TIMELESS: variants seen among roughly 807,000 people sequenced by gnomAD.
TIMELESS encodes protein timeless homolog.
A neutral mutation model predicts 164.3 loss-of-function variants in TIMELESS; 124 were observed. The ratio of observed to expected loss-of-function variants is 0.75; its 90% CI spans 0.65 to 0.88. The LOEUF is 0.88. Ranked by LOEUF, TIMELESS falls within the 40% of genes least tolerant of loss-of-function variation. TIMELESS has a pLI of 0.00. For synonymous variants in TIMELESS, 564 were observed against 563.4 expected, an observed-to-expected ratio of 1.00 and a Z score of -0.02; for missense variants, 1,422 against 1,491.4, an observed-to-expected ratio of 0.95 and a Z score of 0.77.
In TIMELESS at chr12:56,422,280, C is replaced by G. The variant is rs182907620; in HGVS notation, c.2439-89G>C. On this transcript the variant is annotated intron_variant, in intron 19 of 28. Coordinates refer to ENST00000553532, the MANE Select transcript of TIMELESS (RefSeq NM_003920.5). ...CTTCTCTGATCAGTTCTGAAAAGAACAGGAAGGACAAGGCAGGTAACTGAA... is the reference window on the plus strand; with the variant it reads ...CTTCTCTGATCAGTTCTGAAAAGAAGAGGAAGGACAAGGCAGGTAACTGAA... The G allele has an allele frequency of 1.7e-5, 21 of 1,228,658 alleles. No individual in the cohort carries two copies. The Admixed American group carries it at 3.1e-4, about 18-fold the overall frequency. 76.1% of individuals were successfully genotyped at this position (1,228,658 alleles called of 1,614,324 possible).
At chr12:56,424,681 T>G in intron 15 of TIMELESS, 81 bp downstream of exon 15, 1 of 1,515,062 alleles carries the variant, frequency 6.6e-7, no homozygotes, top group South Asian at 1.3e-5. Flanking sequence ...AACTCTCTTT[T>G]GAAGACTGAG....
intron 13 of TIMELESS, among the ~76,000 whole-genome samples, chr12:56,427,937 A>T (rs1881729364): frequency 6.6e-6 from 1 of 152,258 alleles, no homozygotes; most frequent in South Asian, 2.1e-4. Context: ...AAAATGCTAT[A>T]GCATAATTAT....
At chr12:56,447,281 G>A (rs145871729) in intron 1 of TIMELESS, among the ~76,000 whole-genome samples, 116 of 150,388 alleles carry the variant, frequency 7.7e-4, no homozygotes, top group African/African-American at 2.7e-3. Flanking sequence ...TTCCAGCGAT[G>A]GGGCTTAGGC....
intron 8 of TIMELESS, among the ~76,000 whole-genome samples, 196 bp from the exon 9 acceptor site, chr12:56,431,164 GC>G (rs79733408): frequency 0.34 from 51,960 of 151,756 alleles, 10,599 homozygotes; most frequent in East Asian, 0.65. Context: ...GACCAGCCTG[GC>G]CAACATGGTG....
chr12:56,440,551 G>A (rs1868260648), intron 1 of TIMELESS, among the ~76,000 whole-genome samples: 2 of 152,208 alleles, frequency 1.3e-5, no homozygotes, highest in Non-Finnish European at 2.9e-5. Context: ...TCTAGCACTT[G>A]AATTCCAATT....
At chr12:56,430,721 C>G (rs1238501885) in intron 9 of TIMELESS, among the ~76,000 whole-genome samples, 160 bp downstream of exon 9, 1 of 152,004 alleles carries the variant, frequency 6.6e-6, no homozygotes, top group African/African-American at 2.4e-5. Context: ...CCAGTCTGAT[C>G]TTGAACTTCT....
At chr12:56,427,599 G>A (rs537490987) in intron 13 of TIMELESS, among the ~76,000 whole-genome samples, 22 of 152,258 alleles carry the variant, frequency 1.4e-4, no homozygotes, top group African/African-American at 5.3e-4. Flanking sequence ...TTGCTGTTGA[G>A]ACAGAGTCTC....
rs1186170074 is a variant in TIMELESS at position 56,423,449 on chromosome 12, G to A, written c.2117C>T (p.Ala706Val). 7.4e-6 allele frequency: 12 copies of A among 1,613,982 alleles called. No individual in the cohort carries two copies. The Admixed American group carries it at 2.0e-4, about 27-fold the overall frequency. The change falls in exon 18 of 29, where the codon GCC (alanine) becomes GTC (valine). Residue 706 changes from alanine (A) to valine (V), a missense_variant. By Grantham distance (64) the Ala-to-Val change is moderately conservative. Coordinates refer to ENST00000553532, the MANE Select transcript of TIMELESS (RefSeq NM_003920.5). ...GTAGCTCCTTAGTAGCAGCACATAGGCTCGAACGACAGTTGAACATGCAAA... is the reference window on the plus strand; with the variant it reads ...GTAGCTCCTTAGTAGCAGCACATAGACTCGAACGACAGTTGAACATGCAAA... ...KRFACSTVVR[A>V]YVLLLRSYQQ...
intron 26 of TIMELESS, among the ~76,000 whole-genome samples, chr12:56,420,029 A>AAAAAAAAATATATATATATAT (rs1555176447): frequency 2.7e-5 from 2 of 75,188 alleles, no homozygotes; most frequent in African/African-American, 1.3e-4. Flanking sequence ...AAAAAAAAAA[A>AAAAAAAAATATATATATATAT]ATATATATAT....
intron 10 of TIMELESS, 128 bp downstream of exon 10, chr12:56,429,977 C>T (rs1445654975): frequency 2.4e-6 from 2 of 828,592 alleles, no homozygotes; most frequent in East Asian, 2.9e-5. Context: ...GTATATCCTT[C>T]CCACCTACGA....
At position 56,426,385 on chromosome 12, in the gene TIMELESS, C is replaced by CTT. The variant is rs35546587; in HGVS notation, c.1579-1235_1579-1234dup. ...TTATAGGAAGGTTCTGGTACAAAAT[C>CTT]TTTTTTTTTTTTTTTTTTAAGACAG... On this transcript the variant is annotated intron_variant, in intron 13 of 28. Coordinates refer to ENST00000553532, the MANE Select transcript of TIMELESS (RefSeq NM_003920.5). Among the ~76,000 whole-genome samples, 408 of 137,106 alleles carry CTT rather than the reference C, an allele frequency of 3.0e-3. 1 individual carries two copies. The highest frequency in any genetic ancestry group is 8.4e-3 in the East Asian group (39 of 4,630). 89.9% of individuals were successfully genotyped at this position (137,106 alleles called of 152,430 possible). A position where few individuals can be genotyped will look rare whatever the true frequency, so the allele number is the denominator to read the frequency against.
intron 15 of TIMELESS, 113 bp downstream of exon 15, chr12:56,424,649 A>AGTCCC (rs1490501633): frequency 3.8e-6 from 5 of 1,327,256 alleles, no homozygotes; most frequent in Non-Finnish European, 5.1e-6. Context: ...GTTGGTATAC[A>AGTCCC]GTCCCAGAGC....
In TIMELESS at chr12:56,418,236, C is replaced by G. The variant is rs1258362921; in HGVS notation, c.3352G>C (p.Glu1118Gln). The change falls in exon 27 of 29, where the codon GAG becomes CAG. Residue 1118 changes from glutamate to glutamine, a missense_variant. By Grantham distance (29) the Glu-to-Gln change is conservative. Coordinates refer to ENST00000553532, the MANE Select transcript of TIMELESS (RefSeq NM_003920.5). ...CAGTGCTCCTCATCAGAGCCTTGCT[C>G]TCCAGGGACTTTAGGCTGCAGCTCT... ...QPELQPKVPG[E>Q]QGSDEEHCKE... The G allele has an allele frequency of 6.2e-7, 1 of 1,614,204 alleles. No individual in the cohort carries two copies. Among genetic ancestry groups the G allele is most frequent in the Non-Finnish European group, 8.5e-7 (1 of 1,180,038 alleles).
rs770057235 is a variant in TIMELESS, at chr12:56,430,891, C to T, written c.899G>A (p.Gly300Asp). Residue 300 changes from glycine (G) to aspartate (D), a missense_variant, in exon 9 of 29, where the codon GGC (glycine) becomes GAC (aspartate). Transcript: ENST00000553532. ...IGERDLIFHK[G>D]LHNLRNYSSD... is the part of the protein sequence containing the mutation. ...TGTAAGAATACTCACGTTGTGAAGGCCTTTGTGAAAGATGAGGTCCCTCTC... is the reference window on the plus strand; with the variant it reads ...TGTAAGAATACTCACGTTGTGAAGGTCTTTGTGAAAGATGAGGTCCCTCTC... 3.7e-6 allele frequency: 6 copies of T among 1,600,804 alleles called. No individual in the cohort carries two copies. The South Asian group carries it at 5.6e-5, about 15-fold the overall frequency.
chr12:56,427,625 C>G (rs1282053127), intron 13 of TIMELESS, among the ~76,000 whole-genome samples: 1 of 152,244 alleles, frequency 6.6e-6, no homozygotes, highest in African/African-American at 2.4e-5. Flanking sequence ...GTCACCCAGT[C>G]TGGAGTGCAG....
rs1404862207 is a variant in TIMELESS, at chr12:56,433,794, G to C, written c.230C>G (p.Pro77Arg). 3 of 1,614,218 alleles carry C rather than the reference G, an allele frequency of 1.9e-6. No homozygotes were observed. The highest frequency in any genetic ancestry group is 2.2e-5 in the East Asian group (1 of 44,890). ...CAACCTGATAACAGCATCAAAGAGA[G>C]GCTTGTCCTGGTGGTGCTGGGTGAG... is the stretch of plus-strand genomic sequence containing the variant. Reference protein sequence around the residue: ...PILTQHHQDKPLFDAVIRLMV... With the variant: ...PILTQHHQDKRLFDAVIRLMV... The change falls in exon 3 of 29, where the codon CCT becomes CGT. Residue 77 changes from proline to arginine, a missense_variant. By Grantham distance (103) the Pro-to-Arg change is moderately radical. Transcript: ENST00000553532.
Position 56,433,584 on chromosome 12 carries a change from C to A in TIMELESS, c.320G>T (p.Arg107Leu), listed in dbSNP as rs763145071. ...FGNLPKEPSF[R>L]HHFLQVLTYL... is the part of the protein sequence containing the mutation. Reference sequence around the variant, plus strand: ...AGTTAGCACCTGCAAAAAATGGTGCCGAAAGCTGGGCTCCTTAGGCAGATT... The same window carrying A: ...AGTTAGCACCTGCAAAAAATGGTGCAGAAAGCTGGGCTCCTTAGGCAGATT... The change falls in exon 4 of 29, where the codon CGG (arginine) becomes CTG (leucine). Residue 107 changes from arginine (R) to leucine (L), a missense_variant. Physicochemically the swap from Arg to Leu is moderately radical, Grantham distance 102. Coordinates refer to ENST00000553532, the MANE Select transcript of TIMELESS (RefSeq NM_003920.5). The A allele has an allele frequency of 2.5e-6, 4 of 1,614,154 alleles. No individual in the cohort carries two copies. Among genetic ancestry groups the A allele is most frequent in the South Asian group, 1.1e-5 (1 of 91,066 alleles).
chr12:56,431,007 T>C, intron 8 of TIMELESS, 39 bp from the exon 9 acceptor site: 1 of 1,389,782 alleles, frequency 7.2e-7, no homozygotes. Flanking sequence ...TTTTCAGTTC[T>C]CTGGAAACTT....
chr12:56,420,841 G>T lies in TIMELESS; in HGVS notation c.3081C>A (p.Ile1027=). 1 of 1,614,162 alleles carries T rather than the reference G, an allele frequency of 6.2e-7. No homozygotes were observed. The highest frequency in any genetic ancestry group is 1.3e-5 in the African/African-American group (1 of 75,046). The change falls in exon 25 of 29, where the codon ATC becomes ATA. Residue 1027 remains isoleucine, a synonymous_variant. Coordinates refer to ENST00000553532, the MANE Select transcript of TIMELESS (RefSeq NM_003920.5). ...IPLLWLQNCL[I]RAADDREEDG... is the part of the protein sequence containing the mutation. ...CCTCTTCCCGATCATCAGCTGCTCG[G>T]ATCAGGCAGTTCTGGAGCCATAGGA...
Sources: allele counts gnomAD v4.1 joint callset (sites outside exome capture counted in the v4.1 genomes callset), GRCh38; gene constraint gnomAD v4.1.1; transcripts MANE v1.5; gene names NCBI Gene and HGNC (gene_info 2026-07-23, HGNC 2026-07-21).